SSR1: variants seen among roughly 807,000 people sequenced by gnomAD.
SSR1 encodes the protein signal sequence receptor subunit 1, also known as translocon-associated protein subunit alpha.
Under a neutral mutation model 36.1 loss-of-function variants are expected in SSR1, and 13 were observed. That is an observed-to-expected ratio of 0.36 (90% confidence interval 0.23 to 0.57). SSR1 has a LOEUF of 0.57. Among genes scored for constraint, SSR1 ranks in the 20% least tolerant of loss-of-function variants. The probability of loss-of-function intolerance (pLI) is 0.81; values close to 1 mark genes in which losing one functional copy is unlikely to be tolerated. For synonymous variants in SSR1, 113 were observed against 118.9 expected (o/e 0.95, Z 0.32); for missense variants, 291 against 338.5 (o/e 0.86, Z 1.10).
intron 6 of SSR1, among the ~76,000 whole-genome samples, 186 bp downstream of exon 6, chr6:7,297,737 A>G (rs1377173943): frequency 6.6e-6 from 1 of 152,184 alleles, no homozygotes; most frequent in Non-Finnish European, 1.5e-5. Flanking sequence ...CCAGAAAAAA[A>G]AAGAAAGTAA....
intron 6 of SSR1, chr6:7,297,055 T>C: frequency 3.6e-6 from 1 of 275,360 alleles, no homozygotes; most frequent in Non-Finnish European, 7.4e-6. Context: ...ACCCTGTCTC[T>C]ACAAAACATA....
intron 4 of SSR1, among the ~76,000 whole-genome samples, chr6:7,299,124 T>C (rs1325222610): frequency 1.1e-4 from 7 of 64,838 alleles, no homozygotes; most frequent in African/African-American, 2.8e-4. Flanking sequence ...CTAGCAAACA[T>C]AGCGAGATCC....
At chr6:7,290,677 G>GTT (rs547452130) in intron 7 of SSR1, among the ~76,000 whole-genome samples, 1 of 149,814 alleles carries the variant, frequency 6.7e-6, no homozygotes, top group African/African-American at 2.5e-5. Flanking sequence ...ATTTCGTATT[G>GTT]TTTTTTTTTG....
intron 1 of SSR1, 68 bp from the exon 2 acceptor site, chr6:7,310,097 A>G: frequency 7.5e-7 from 1 of 1,335,120 alleles, no homozygotes; most frequent in Non-Finnish European, 1.1e-6. Context: ...TTTTAACATC[A>G]GGTATAGGCA....
intron 7 of SSR1, among the ~76,000 whole-genome samples, chr6:7,292,322 C>T (rs900835136): frequency 3.3e-5 from 5 of 150,220 alleles, no homozygotes; most frequent in Admixed American, 2.7e-4. Context: ...CACCCAGTTG[C>T]CTAAGTTCAG....
intron 7 of SSR1, 110 bp from the exon 8 acceptor site, chr6:7,290,041 T>C (rs774752482): frequency 4.4e-5 from 35 of 804,156 alleles, no homozygotes; most frequent in African/African-American, 7.3e-5. Flanking sequence ...CACACACACA[T>C]GGGTGAACAC....
intron 2 of SSR1, among the ~76,000 whole-genome samples, chr6:7,307,795 G>C (rs753364289): frequency 4.6e-5 from 7 of 152,148 alleles, no homozygotes; most frequent in Non-Finnish European, 1.0e-4. Flanking sequence ...CAAAGTGCTG[G>C]GATTACAGGC....
At chr6:7,307,550 A>AT (rs912935832) in intron 2 of SSR1, among the ~76,000 whole-genome samples, 3 of 151,864 alleles carry the variant, frequency 2.0e-5, no homozygotes, top group Non-Finnish European at 2.9e-5. Context: ...TATTTATTTA[A>AT]TTTTTTTTAG....
At position 7,287,228 on chromosome 6, in the gene SSR1, C is replaced by T. The variant is rs1466648543; in HGVS notation, c.*2636G>A. On this transcript the variant is annotated 3_prime_UTR_variant, in exon 8 of 8. Transcript: ENST00000244763. ...AGTAAAGGTGGCAATGTTACATTACCACCATTTACTTCTCCCCAGCACAGC... is the reference window on the plus strand; with the variant it reads ...AGTAAAGGTGGCAATGTTACATTACTACCATTTACTTCTCCCCAGCACAGC... 6.6e-6 allele frequency: 1 copy of T among 152,068 alleles called. No individual in the cohort carries two copies. Among genetic ancestry groups the T allele is most frequent in the African/African-American group, 2.4e-5 (1 of 41,386 alleles). 9.4% of individuals were successfully genotyped at this position (152,068 alleles called of 1,614,324 possible).
intron 7 of SSR1, 108 bp from the exon 8 acceptor site, chr6:7,290,039 CAT>C (rs1202685436): frequency 2.5e-6 from 2 of 812,092 alleles, no homozygotes; most frequent in South Asian, 2.2e-5. Context: ...TACACACACA[CAT>C]GGGTGAACAC....
At chr6:7,311,973 C>T (rs1758203729) in intron 1 of SSR1, among the ~76,000 whole-genome samples, 1 of 152,190 alleles carries the variant, frequency 6.6e-6, no homozygotes. Flanking sequence ...CAGATTAACT[C>T]ATTAACAGTT....
rs1757418936 is a variant in SSR1, at chr6:7,281,597, T to C, written c.*8267A>G. 1 of 152,232 alleles carries C rather than the reference T, an allele frequency of 6.6e-6. No homozygotes were observed. 9.4% of individuals were successfully genotyped at this position (152,232 alleles called of 1,614,324 possible). On this transcript the variant is annotated 3_prime_UTR_variant, in exon 8 of 8. Transcript: ENST00000244763. The stretch of plus-strand genomic sequence containing the variant: ...TCCAATTTCTTCAATGTTCTCTGAG[T>C]TGTTAGATTTCAAAGTGAAGAGAAC...
intron 7 of SSR1, among the ~76,000 whole-genome samples, chr6:7,290,472 T>C (rs1757657746): frequency 6.6e-6 from 1 of 152,348 alleles, no homozygotes; most frequent in South Asian, 2.1e-4. Flanking sequence ...TGGGTTTTTC[T>C]ACTTCCATTT....
Position 7,286,732 on chromosome 6 carries a change from G to A in SSR1, c.*3132C>T, listed in dbSNP as rs1011610336. ...TTCAAGACCAGCCTGGCCAAATGAC[G>A]AAACCCCGTCTCTACTAAAAATGCA... On this transcript the variant is annotated 3_prime_UTR_variant, in exon 8 of 8. Transcript: ENST00000244763. 8.6e-5 allele frequency: 13 copies of A among 151,972 alleles called. No homozygotes were observed. The highest frequency in any genetic ancestry group is 2.9e-4 in the African/African-American group (12 of 41,352). 9.4% of individuals were successfully genotyped at this position (151,972 alleles called of 1,614,324 possible).
rs1009520494 is a variant in SSR1, at chr6:7,288,179, A to G, written c.*1685T>C. 3.3e-5 allele frequency: 5 copies of G among 152,226 alleles called. No homozygotes were observed. Among genetic ancestry groups the G allele is most frequent in the Admixed American group, 3.3e-4 (5 of 15,284 alleles). 9.4% of individuals were successfully genotyped at this position (152,226 alleles called of 1,614,324 possible). A position where few individuals can be genotyped will look rare whatever the true frequency, so the allele number is the denominator to read the frequency against. On this transcript the variant is annotated 3_prime_UTR_variant, in exon 8 of 8. Coordinates refer to ENST00000244763, the MANE Select transcript of SSR1 (RefSeq NM_003144.5). ...CCCTAGTAGTTTCACAAACTTAGAT[A>G]TTCACAAAAATGTTTTGGAATATAT... is the stretch of plus-strand genomic sequence containing the variant.
At chr6:7,292,587 T>C (rs998051112) in intron 7 of SSR1, among the ~76,000 whole-genome samples, 5 of 152,136 alleles carry the variant, frequency 3.3e-5, no homozygotes, top group African/African-American at 9.7e-5. Context: ...AGACTTGCTA[T>C]GTGGCCGAGG....
chr6:7,293,173 C>CTT (rs71750113), intron 7 of SSR1, among the ~76,000 whole-genome samples: 21 of 145,100 alleles, frequency 1.4e-4, no homozygotes, highest in African/African-American at 3.5e-4. Flanking sequence ...CTGTGATTTC[C>CTT]TTTTTTTTTT....
At chr6:7,294,125 G>A (rs1757740435) in intron 7 of SSR1, among the ~76,000 whole-genome samples, 1 of 152,024 alleles carries the variant, frequency 6.6e-6, no homozygotes, top group African/African-American at 2.4e-5. Context: ...ATCTGTAGGA[G>A]TGAAAAAATA....
At chr6:7,295,930 A>G (rs1757785516) in intron 6 of SSR1, among the ~76,000 whole-genome samples, 1 of 152,236 alleles carries the variant, frequency 6.6e-6, no homozygotes, top group Non-Finnish European at 1.5e-5. Flanking sequence ...TATTTATACA[A>G]TGACTTTATT....
Sources: gnomAD v4.1 joint callset for allele counts (sites outside exome capture counted in the v4.1 genomes callset) on GRCh38, gnomAD v4.1.1 for gene constraint, MANE v1.5 for transcripts, NCBI Gene and HGNC (gene_info 2026-07-23, HGNC 2026-07-21) for gene names.